TENM2: variants seen among roughly 807,000 people sequenced by gnomAD.
The protein encoded by TENM2 is teneurin transmembrane protein 2, also known as teneurin-2.
Under a neutral mutation model 245.2 loss-of-function variants are expected in TENM2, and 52 were observed. The observed-to-expected ratio is 0.21, with a 90% CI of 0.17 to 0.27. The LOEUF (loss-of-function observed/expected upper bound fraction) is 0.27. Among genes scored for constraint, TENM2 ranks in the 10% least tolerant of loss-of-function variants. TENM2 has a pLI of 1.00. For synonymous variants in TENM2, 1,363 were observed against 1,438.9 expected (o/e 0.95, Z 1.19); for missense variants, 3,046 against 3,666.8 (o/e 0.83, Z 4.37).
chr5:166,995,271 G>A, the TENM2 span, among the ~76,000 whole-genome samples: 8 of 151,060 alleles, frequency 5.3e-5, no homozygotes, highest in South Asian at 4.2e-4. Flanking sequence ...ATGGAGTCTC[G>A]CTCTGTCGCC....
At chr5:167,642,001 C>G (rs1241627746) in intron 2 of TENM2, among the ~76,000 whole-genome samples, 1 of 151,870 alleles carries the variant, frequency 6.6e-6, no homozygotes, top group Non-Finnish European at 1.5e-5. Context: ...ATTAGCCAGG[C>G]ATGGTGGTGC....
At chr5:167,067,092 AATT>A in the TENM2 span, among the ~76,000 whole-genome samples, 1 of 152,300 alleles carries the variant, frequency 6.6e-6, no homozygotes, top group Non-Finnish European at 1.5e-5. Context: ...TGCAATAAAC[AATT>A]ATTAGTTCAA....
At chr5:168,019,212 T>G (rs1446641737) in intron 5 of TENM2, among the ~76,000 whole-genome samples, 1 of 152,076 alleles carries the variant, frequency 6.6e-6, no homozygotes, top group East Asian at 1.9e-4. Context: ...GGAAAAGGTA[T>G]TGGGGAGAAG....
At chr5:167,237,478 T>C in the TENM2 span, among the ~76,000 whole-genome samples, 1 of 152,226 alleles carries the variant, frequency 6.6e-6, no homozygotes, top group Non-Finnish European at 1.5e-5. Flanking sequence ...CATGGTGTCA[T>C]GTACATTATT....
chr5:168,025,861 G>C (rs1156690297), intron 5 of TENM2, among the ~76,000 whole-genome samples: 1 of 152,150 alleles, frequency 6.6e-6, no homozygotes, highest in African/African-American at 2.4e-5. Flanking sequence ...AGCAATAAAG[G>C]CTTCATTGGC....
the TENM2 span, among the ~76,000 whole-genome samples, chr5:167,214,431 T>C: frequency 1.3e-5 from 2 of 152,334 alleles, no homozygotes; most frequent in Admixed American, 6.5e-5. Flanking sequence ...TGCGAGCTAA[T>C]GAAAATTACA....
chr5:167,419,763 C>T (rs1412402877), intron 2 of TENM2, among the ~76,000 whole-genome samples: 2 of 152,108 alleles, frequency 1.3e-5, no homozygotes, highest in East Asian at 1.9e-4. Flanking sequence ...TTCAGTAAAC[C>T]AAGAATAAAT....
At chr5:167,626,914 T>C (rs1177287423) in intron 2 of TENM2, among the ~76,000 whole-genome samples, 1 of 152,120 alleles carries the variant, frequency 6.6e-6, no homozygotes, top group Non-Finnish European at 1.5e-5. Context: ...GGCCCAGAAA[T>C]GCATTTGTTC....
intron 4 of TENM2, among the ~76,000 whole-genome samples, chr5:167,989,138 G>A (rs375005467): frequency 2.0e-5 from 3 of 152,114 alleles, no homozygotes; most frequent in Non-Finnish European, 4.4e-5. Flanking sequence ...TCACATTCTG[G>A]TTGGGGATAG....
Position 167,796,521 on chromosome 5 carries a change from C to T in TENM2, c.503-79465C>T, listed in dbSNP as rs921279702. Among the ~76,000 whole-genome samples the T allele has an allele frequency of 5.3e-5, 8 of 152,238 alleles. No homozygotes were observed. The East Asian group carries it at 1.4e-3, about 26-fold the overall frequency. On this transcript the variant is annotated intron_variant, in intron 2 of 28. Coordinates refer to ENST00000518659, the Ensembl canonical transcript of TENM2. ...AGTTAATATTAATACCTGAGTGATGCCTTTCATGATATCCTTAAGTCAATT... is the reference window on the plus strand; with the variant it reads ...AGTTAATATTAATACCTGAGTGATGTCTTTCATGATATCCTTAAGTCAATT...
At chr5:168,192,952 TG>T (rs1368996697) in intron 14 of TENM2, among the ~76,000 whole-genome samples, 1 of 152,208 alleles carries the variant, frequency 6.6e-6, no homozygotes, top group Non-Finnish European at 1.5e-5. Flanking sequence ...TTTCTCCACC[TG>T]GCCCTTCTGG....
intron 1 of TENM2, among the ~76,000 whole-genome samples, chr5:167,297,997 G>A (rs1391349432): frequency 2.6e-5 from 4 of 151,476 alleles, no homozygotes; most frequent in African/African-American, 4.8e-5. Flanking sequence ...TGTACGTGCA[G>A]GTCACAGGGG....
chr5:167,952,774 A>C, exon 4 of TENM2: 1 of 1,576,136 alleles, frequency 6.3e-7, no homozygotes, highest in Non-Finnish European at 8.6e-7. Context: ...GAGTCCGTTC[A>C]GCTTCAGGAC....
At chr5:167,863,020 C>T (rs971372530) in intron 2 of TENM2, among the ~76,000 whole-genome samples, 6 of 152,184 alleles carry the variant, frequency 3.9e-5, no homozygotes, top group Non-Finnish European at 7.3e-5. Context: ...CTCTATGTAG[C>T]CATACAATGC....
rs564881046 is a variant in TENM2, at chr5:168,023,203, G to A, written c.1187-24224G>A. On this transcript the variant is annotated intron_variant, in intron 5 of 28. Coordinates refer to ENST00000518659, the Ensembl canonical transcript of TENM2. ...TCGAAACCCTGCTGCAGAGAGTGTC[G>A]GCAGCCACGCTGATGCGAGGCCTTG... 3.3e-5 allele frequency among the ~76,000 whole-genome samples: 5 copies of A among 152,270 alleles called. No homozygotes were observed. In the South Asian group the frequency reaches 8.3e-4, roughly 25 times the overall value.
At chr5:167,793,667 TC>T (rs1440809576) in intron 2 of TENM2, among the ~76,000 whole-genome samples, 2 of 149,386 alleles carry the variant, frequency 1.3e-5, no homozygotes, top group Admixed American at 1.4e-4. Flanking sequence ...AAACCCCGTC[TC>T]CACCAAAAAA....
intron 25 of TENM2, chr5:168,229,814 T>G (rs1311811236): frequency 1.3e-5 from 2 of 152,202 alleles, no homozygotes; most frequent in Non-Finnish European, 2.9e-5. Context: ...CTCCCAGGTT[T>G]TTCTTCCTCT....
At chr5:167,515,972 T>C (rs12657574) in intron 2 of TENM2, among the ~76,000 whole-genome samples, 13,603 of 152,166 alleles carry the variant, frequency 0.089, 680 homozygotes, top group South Asian at 0.2. Flanking sequence ...TCTCTACCAG[T>C]CTTTGCTGTG....
chr5:168,172,224 A>G (rs1367377920), intron 13 of TENM2, among the ~76,000 whole-genome samples: 5 of 152,236 alleles, frequency 3.3e-5, no homozygotes, highest in African/African-American at 1.2e-4. Flanking sequence ...CAAAATGTCA[A>G]TAACACCAAG....
Sources: allele counts gnomAD v4.1 joint callset (sites outside exome capture counted in the v4.1 genomes callset), GRCh38; gene constraint gnomAD v4.1.1; transcripts MANE v1.5; gene names NCBI Gene and HGNC (gene_info 2026-07-23, HGNC 2026-07-21).